The following THAP2 variants were observed in gnomAD, a reference collection of about 807,000 sequenced individuals.
THAP2 encodes the protein THAP domain containing 2.
Under a neutral mutation model 18.8 loss-of-function variants are expected in THAP2, and 16 were observed. The ratio of observed to expected loss-of-function variants is 0.85; its 90% confidence interval spans 0.58 to 1.29. THAP2 has a LOEUF of 1.29. THAP2 is among the 50% of genes most tolerant of loss of function. The probability of loss-of-function intolerance (pLI) is 0.00; values close to 1 mark genes in which losing one functional copy is unlikely to be tolerated. For missense variants in THAP2, 251 were observed against 265.3 expected (o/e 0.95, Z 0.38); for synonymous variants, 80 against 89.2 (o/e 0.90, Z 0.58).
At chr12:71,670,263 T>G (rs561781854) in intron 1 of THAP2, among the ~76,000 whole-genome samples, 133 of 152,314 alleles carry the variant, frequency 8.7e-4, no homozygotes, top group South Asian at 3.1e-3. Context: ...TTTTAAACAC[T>G]AGTCATTTCA....
At chr12:71,672,700 A>T (rs1209605752) in intron 1 of THAP2, among the ~76,000 whole-genome samples, 3 of 151,842 alleles carry the variant, frequency 2.0e-5, no homozygotes, top group Non-Finnish European at 4.4e-5. Context: ...ACAGCTGCAG[A>T]CCTAAATCTA....
At chr12:71,673,167 T>C (rs956617484) in intron 1 of THAP2, among the ~76,000 whole-genome samples, 2 of 152,178 alleles carry the variant, frequency 1.3e-5, no homozygotes, top group African/African-American at 4.8e-5. Flanking sequence ...TAAAAATCTG[T>C]TTATATTTCA....
At chr12:71,665,134 T>A (rs1035838201) in intron 1 of THAP2, 8 of 559,218 alleles carry the variant, frequency 1.4e-5, no homozygotes, top group Non-Finnish European at 2.2e-5. Context: ...AAAAAGAACC[T>A]AGGTTTTCTT....
Position 71,679,310 on chromosome 12 carries a change from T to C in THAP2, c.*2202T>C, listed in dbSNP as rs570600215. 6.6e-6 allele frequency: 1 copy of C among 152,216 alleles called. No homozygotes were observed. Among genetic ancestry groups the C allele is most frequent in the Non-Finnish European group, 1.5e-5 (1 of 68,026 alleles). 9.4% of individuals were successfully genotyped at this position (152,216 alleles called of 1,614,324 possible). On this transcript the variant is annotated 3_prime_UTR_variant, in exon 3 of 3. Transcript: ENST00000308086. ...TTCTGTGTTTTCTCCGTGATTTTCATTGTGCTGTCCTGACAACATGCTCCA... is the reference window on the plus strand; with the variant it reads ...TTCTGTGTTTTCTCCGTGATTTTCACTGTGCTGTCCTGACAACATGCTCCA...
intron 1 of THAP2, among the ~76,000 whole-genome samples, chr12:71,666,529 CAAAA>C (rs1881346001): frequency 6.6e-6 from 1 of 150,584 alleles, no homozygotes; most frequent in African/African-American, 2.4e-5. Context: ...AAACAAAAAA[CAAAA>C]CAAAAAAAAA....
chr12:71,670,002 G>A (rs1294822891), intron 1 of THAP2, among the ~76,000 whole-genome samples: 1 of 151,080 alleles, frequency 6.6e-6, no homozygotes, highest in Non-Finnish European at 1.5e-5. Flanking sequence ...TAGAAAAAAT[G>A]CATATGTGAA....
intron 2 of THAP2, 78 bp downstream of exon 2, chr12:71,674,476 A>C: frequency 1.4e-6 from 2 of 1,386,334 alleles, no homozygotes; most frequent in East Asian, 4.6e-5. Flanking sequence ...ATTAACTGAA[A>C]TTCATTTATA....
chr12:71,664,397 A>G lies in THAP2; in HGVS notation c.-113A>G, dbSNP rs1881285591. 5.3e-6 allele frequency: 7 copies of G among 1,310,306 alleles called. No homozygotes were observed. Among genetic ancestry groups the G allele is most frequent in the Admixed American group, 1.7e-5 (1 of 58,492 alleles). The allele number at this position is 1,310,306 out of a possible 1,614,324, so 81.2% of individuals were successfully genotyped here. A position where few individuals can be genotyped will look rare whatever the true frequency, so the allele number is the denominator to read the frequency against. On this transcript the variant is annotated 5_prime_UTR_variant, in exon 1 of 3. Coordinates refer to ENST00000308086, the MANE Select transcript of THAP2 (RefSeq NM_031435.4). ...TCTTCCCACTCCGCTCTCACGACTA[A>G]GCTCTCACGATTAAGGCACGCCTGC... is the stretch of plus-strand genomic sequence containing the variant.
intron 1 of THAP2, chr12:71,664,806 C>T (rs1881300957): frequency 4.2e-6 from 3 of 709,640 alleles, no homozygotes; most frequent in Non-Finnish European, 7.7e-6. Flanking sequence ...TGGTCATTAC[C>T]CCTTAGTAAA....
At position 71,674,203 on chromosome 12, in the gene THAP2, G is replaced by A; in HGVS notation, c.72G>A (p.Arg24=). ...TGAGTTGCATTTTTTTTTTTTTAAG[G>A]TTTCCTTTGGATCCTAAAAGAAGAA... ...YNKHINISFH[R]FPLDPKRRKE... is the part of the protein sequence containing the mutation. Residue 24 remains arginine, a splice_region_variant and synonymous_variant, in exon 2 of 3, where the codon AGG becomes AGA. Coordinates refer to ENST00000308086, the MANE Select transcript of THAP2 (RefSeq NM_031435.4). The A allele has an allele frequency of 6.5e-7, 1 of 1,539,584 alleles. No individual in the cohort carries two copies. The highest frequency in any genetic ancestry group is 8.7e-7 in the Non-Finnish European group (1 of 1,144,160).
rs564265267 is a variant in THAP2, at chr12:71,680,428, T to C, written c.*3320T>C. 4.6e-5 allele frequency: 7 copies of C among 152,768 alleles called. No homozygotes were observed. The highest frequency in any genetic ancestry group is 2.1e-4 in the South Asian group (1 of 4,830). The allele number at this position is 152,768 out of a possible 1,614,324, so 9.5% of individuals were successfully genotyped here. A position where few individuals can be genotyped will look rare whatever the true frequency, so the allele number is the denominator to read the frequency against. On this transcript the variant is annotated 3_prime_UTR_variant, in exon 3 of 3. Transcript: ENST00000308086. ...TCTAAGTAGACTTTATAATATTGTG[T>C]TTTATCTCATTTCTCAATATTAGAA...
rs368328370 is a variant in THAP2 at position 71,677,728 on chromosome 12, CA to C, written c.*621del. On this transcript the variant is annotated 3_prime_UTR_variant, in exon 3 of 3. Coordinates refer to ENST00000308086, the MANE Select transcript of THAP2 (RefSeq NM_031435.4). ...ATTTGAATGTGAAGTACCATTGAGTCATCCAAACTAGGTAAGGCCTCAAGTA... is the reference window on the plus strand; with the variant it reads ...ATTTGAATGTGAAGTACCATTGAGTCTCCAAACTAGGTAAGGCCTCAAGTA... 3 of 152,078 alleles carry C rather than the reference CA, an allele frequency of 2.0e-5. No individual in the cohort carries two copies. Among genetic ancestry groups the C allele is most frequent in the Admixed American group, 6.6e-5 (1 of 15,256 alleles). 9.4% of individuals were successfully genotyped at this position (152,078 alleles called of 1,614,324 possible). A position where few individuals can be genotyped will look rare whatever the true frequency, so the allele number is the denominator to read the frequency against.
intron 1 of THAP2, among the ~76,000 whole-genome samples, chr12:71,666,059 T>C (rs1204757104): frequency 1.3e-5 from 2 of 152,120 alleles, no homozygotes; most frequent in Non-Finnish European, 2.9e-5. Flanking sequence ...TAGGAAGCTG[T>C]AGTAAATAAA....
At chr12:71,668,692 G>A (rs1232992185) in intron 1 of THAP2, among the ~76,000 whole-genome samples, 3 of 152,120 alleles carry the variant, frequency 2.0e-5, no homozygotes, top group African/African-American at 7.2e-5. Flanking sequence ...GACAGTGCTT[G>A]GAATGTATGA....
chr12:71,665,175 T>C (rs1881311563), intron 1 of THAP2: 3 of 535,006 alleles, frequency 5.6e-6, no homozygotes, highest in Non-Finnish European at 6.6e-6. Flanking sequence ...CAAAATTCTT[T>C]AGTTCTGTCA....
chr12:71,665,831 G>A (rs2137575238), intron 1 of THAP2: 1 of 152,350 alleles, frequency 6.6e-6, no homozygotes, highest in African/African-American at 2.4e-5. Flanking sequence ...TCCTCTGGCT[G>A]CAGTGTAGAG....
At chr12:71,674,090 T>C (rs915866130) in intron 1 of THAP2, 113 bp from the exon 2 acceptor site, 1 of 1,095,644 alleles carries the variant, frequency 9.1e-7, no homozygotes, top group Admixed American at 3.1e-5. Context: ...TAGTTTAAAA[T>C]TTTTTAGGTA....
Position 71,678,879 on chromosome 12 carries a change from TTTATC to T in THAP2, c.*1775_*1779del, listed in dbSNP as rs1236483205. The stretch of plus-strand genomic sequence containing the variant: ...TATAAATCTTGCTAGTTATTTTATC[TTTATC>T]TTAAGTATTAGATGTAGTTCCTTGG... On this transcript the variant is annotated 3_prime_UTR_variant, in exon 3 of 3. Coordinates refer to ENST00000308086, the MANE Select transcript of THAP2 (RefSeq NM_031435.4). The T allele has an allele frequency of 3.3e-5, 5 of 152,186 alleles. No individual in the cohort carries two copies. The highest frequency in any genetic ancestry group is 7.4e-5 in the Non-Finnish European group (5 of 68,004). 9.4% of individuals were successfully genotyped at this position (152,186 alleles called of 1,614,324 possible). A position where few individuals can be genotyped will look rare whatever the true frequency, so the allele number is the denominator to read the frequency against.
chr12:71,672,975 C>T (rs1268906531), intron 1 of THAP2, among the ~76,000 whole-genome samples: 3 of 152,090 alleles, frequency 2.0e-5, no homozygotes, highest in Non-Finnish European at 4.4e-5. Flanking sequence ...TAAGTGGGTA[C>T]TCACAGCAGT....
Sources: allele counts gnomAD v4.1 joint callset (sites outside exome capture counted in the v4.1 genomes callset), GRCh38; gene constraint gnomAD v4.1.1; transcripts MANE v1.5; gene names NCBI Gene and HGNC (gene_info 2026-07-23, HGNC 2026-07-21).